Variants in NFKB1 observed in about 807,000 individuals in gnomAD.
NFKB1 encodes nuclear factor kappa B subunit 1, also known as nuclear factor NF-kappa-B p105 subunit.
In NFKB1, 9 loss-of-function variants were observed where a neutral mutation model predicts 105.1. The ratio of observed to expected loss-of-function variants is 0.09; its 90% CI spans 0.05 to 0.15. The LOEUF (loss-of-function observed/expected upper bound fraction) is 0.15, where lower values mean the gene tolerates loss of function less well. Ranked by LOEUF, NFKB1 falls within the 10% of genes least tolerant of loss-of-function variation. NFKB1 has a pLI of 1.00. For synonymous variants in NFKB1, 440 were observed against 442.2 expected, an observed-to-expected ratio of 1.00 and a Z score of 0.06; for missense variants, 830 against 1,203.7, an observed-to-expected ratio of 0.69 and a Z score of 4.59.
chr4:102,563,744 C>T (rs1723621372), intron 5 of NFKB1, among the ~76,000 whole-genome samples: 1 of 151,346 alleles, frequency 6.6e-6, no homozygotes, highest in Admixed American at 6.6e-5. Context: ...AGTCCATGCT[C>T]TTACAGTGTC....
chr4:102,541,608 A>G (rs1046528232), intron 5 of NFKB1, among the ~76,000 whole-genome samples: 2 of 152,184 alleles, frequency 1.3e-5, no homozygotes, highest in African/African-American at 2.4e-5. Flanking sequence ...TGTGTGAACA[A>G]TGGGAGGGTC....
chr4:102,548,349 C>T (rs1159778027), intron 5 of NFKB1, among the ~76,000 whole-genome samples: 1 of 152,022 alleles, frequency 6.6e-6, no homozygotes, highest in African/African-American at 2.4e-5. Context: ...GTCAGGTAGG[C>T]TATATGTAGC....
intron 1 of NFKB1, among the ~76,000 whole-genome samples, chr4:102,519,356 T>C (rs1740418135): frequency 1.4e-5 from 2 of 147,804 alleles, no homozygotes; most frequent in South Asian, 4.2e-4. Context: ...ATATATAGTT[T>C]TAATATGTAA....
chr4:102,601,884 T>C (rs920545641), intron 16 of NFKB1, among the ~76,000 whole-genome samples: 3 of 152,212 alleles, frequency 2.0e-5, no homozygotes, highest in Non-Finnish European at 4.4e-5. Flanking sequence ...GTCTTTCCCC[T>C]ACTCCCACCA....
chr4:102,589,116 T>C (rs1387798707), intron 11 of NFKB1, among the ~76,000 whole-genome samples: 1 of 152,244 alleles, frequency 6.6e-6, no homozygotes, highest in Non-Finnish European at 1.5e-5. Flanking sequence ...AGCTGTGTTA[T>C]AATTAATATT....
At chr4:102,571,903 A>G (rs1724398599) in intron 6 of NFKB1, among the ~76,000 whole-genome samples, 1 of 152,240 alleles carries the variant, frequency 6.6e-6, no homozygotes. Flanking sequence ...AAACTAGTTC[A>G]GCCATTGTGG....
At chr4:102,573,283 G>A (rs1724539848) in intron 6 of NFKB1, among the ~76,000 whole-genome samples, 1 of 152,134 alleles carries the variant, frequency 6.6e-6, no homozygotes, top group Non-Finnish European at 1.5e-5. Context: ...ACTCCGGCCT[G>A]CGCAACAAGA....
chr4:102,542,022 C>T (rs560819664), intron 5 of NFKB1, among the ~76,000 whole-genome samples: 112 of 152,228 alleles, frequency 7.4e-4, no homozygotes, highest in Non-Finnish European at 1.1e-3. Context: ...CTGTGGTTTG[C>T]AGGCTGTAGA....
chr4:102,575,897 A>G lies in NFKB1; in HGVS notation c.408-979A>G, dbSNP rs4648023. 3.0e-3 allele frequency among the ~76,000 whole-genome samples: 456 copies of G among 152,284 alleles called. 4 individuals are homozygous for G. Among genetic ancestry groups the G allele is most frequent in the African/African-American group, 0.011 (446 of 41,562 alleles). On this transcript the variant is annotated intron_variant, in intron 6 of 23. Coordinates refer to ENST00000226574, the MANE Select transcript of NFKB1 (RefSeq NM_003998.4). ...ATTCAGTGAAGGTAGAGATTCTTTT[A>G]CTGCTGACAAAAGCATCTAGGACAT...
chr4:102,596,496 T>G (rs1560706838), intron 14 of NFKB1, among the ~76,000 whole-genome samples, 164 bp downstream of exon 14: 1 of 152,230 alleles, frequency 6.6e-6, no homozygotes, highest in Non-Finnish European at 1.5e-5. Context: ...ATCATTTTAT[T>G]CACACTGGGA....
At chr4:102,553,468 G>T (rs1282107173) in intron 5 of NFKB1, among the ~76,000 whole-genome samples, 2 of 152,046 alleles carry the variant, frequency 1.3e-5, no homozygotes, top group Admixed American at 1.3e-4. Context: ...CATTTTAAAA[G>T]AATGTTAGAA....
intron 4 of NFKB1, among the ~76,000 whole-genome samples, chr4:102,535,167 C>T (rs1741554737): frequency 6.6e-6 from 1 of 152,098 alleles, no homozygotes; most frequent in Non-Finnish European, 1.5e-5. Context: ...AATTTTATCC[C>T]TTAAAGTTCT....
chr4:102,613,613 T>C lies in NFKB1; in HGVS notation c.2749+32T>C. The stretch of plus-strand genomic sequence containing the variant: ...AAAAAGACAAAAGACAGTGGAGATA[T>C]TTTCCAGCTCCCCCAGGCTGGTGTC... On this transcript the variant is annotated intron_variant, in intron 23 of 23. Transcript: ENST00000226574. The C allele has an allele frequency of 1.9e-6, 3 of 1,599,890 alleles. No individual in the cohort carries two copies. The South Asian group carries it at 3.4e-5, about 18-fold the overall frequency.
rs1194608214 is a variant in NFKB1 at position 102,600,858 on chromosome 4, A to G, written c.1638-37A>G. 2.6e-6 allele frequency: 3 copies of G among 1,160,034 alleles called. No homozygotes were observed. In the African/African-American group the frequency reaches 4.6e-5, roughly 18 times the overall value. 71.9% of individuals were successfully genotyped at this position (1,160,034 alleles called of 1,614,324 possible). On this transcript the variant is annotated intron_variant, in intron 15 of 23. Transcript: ENST00000226574. ...TGGGAATCTTTTCTTTTTCATTAAC[A>G]TTTTAGTTAATTATTGCCACTGTGT...
At chr4:102,616,306 CA>C in intron 23 of NFKB1, 127 bp from the exon 24 acceptor site, 2 of 937,724 alleles carry the variant, frequency 2.1e-6, no homozygotes, top group Non-Finnish European at 3.3e-6. Flanking sequence ...GCAGTCATGA[CA>C]GTGAGGGTGG....
At chr4:102,544,633 A>T (rs776885404) in intron 5 of NFKB1, among the ~76,000 whole-genome samples, 12 of 152,178 alleles carry the variant, frequency 7.9e-5, no homozygotes, top group Non-Finnish European at 1.5e-4. Context: ...TGTTGCAAGT[A>T]GTTCAGAAGT....
At position 102,607,241 on chromosome 4, in the gene NFKB1, G is replaced by T; in HGVS notation, c.2046G>T (p.Glu682Asp). 6.2e-7 allele frequency: 1 copy of T among 1,614,216 alleles called. No homozygotes were observed. The change falls in exon 18 of 24, where the codon GAG becomes GAT. Residue 682 changes from glutamate to aspartate, a missense_variant. By Grantham distance (45) the Glu-to-Asp change is conservative (BLOSUM62 2). Around this residue, in one of 8 missense-constraint regions of NFKB1, gnomAD observed 418 missense variants for 575.3 expected, o/e 0.73. Transcript: ENST00000226574. Reference protein sequence around the residue: ...VAAGADVNAQEQKSGRTALHL... With the variant: ...VAAGADVNAQDQKSGRTALHL... ...CTGGGGCTGACGTCAATGCTCAGGA[G>T]CAGAAGTCCGGGCGCACAGCACTGC... is the stretch of plus-strand genomic sequence containing the variant.
At chr4:102,590,174 G>T (rs906718690) in intron 11 of NFKB1, among the ~76,000 whole-genome samples, 2 of 152,062 alleles carry the variant, frequency 1.3e-5, no homozygotes, top group African/African-American at 4.8e-5. Context: ...ACTTATGTCC[G>T]CATTGTCTCT....
chr4:102,597,661 G>C lies in NFKB1; in HGVS notation c.1637G>C (p.Ser546Thr). ...GCTGTGCAGGATGAGAATGGGGACAGGTAAGTCAGAACTTTTGCATGATAG... is the reference window on the plus strand; with the variant it reads ...GCTGTGCAGGATGAGAATGGGGACACGTAAGTCAGAACTTTTGCATGATAG... ...LTAVQDENGD[S>T]VLHLAIIHLH... The change falls in exon 15 of 24, where the codon AGT (serine) becomes ACT (threonine). Residue 546 changes from serine to threonine, a missense_variant and splice_region_variant. This residue lies in a region of NFKB1 where 418 missense variants were observed against 575.3 expected (regional missense o/e 0.73). Coordinates refer to ENST00000226574, the MANE Select transcript of NFKB1 (RefSeq NM_003998.4). 1 of 1,609,522 alleles carries C rather than the reference G, an allele frequency of 6.2e-7. No homozygotes were observed. Among genetic ancestry groups the C allele is most frequent in the Non-Finnish European group, 8.5e-7 (1 of 1,177,308 alleles).
Sources: allele counts gnomAD v4.1 joint callset (sites outside exome capture counted in the v4.1 genomes callset), GRCh38; gene constraint gnomAD v4.1.1; regional missense constraint gnomAD v4.1.1; transcripts MANE v1.5; gene names NCBI Gene and HGNC (gene_info 2026-07-23, HGNC 2026-07-21).